PWWP2B: variants seen among roughly 807,000 people sequenced by gnomAD.
PWWP2B encodes PWWP domain-containing protein 2B.
In PWWP2B, 9 loss-of-function variants were observed where a neutral mutation model predicts 15.5. That is an observed-to-expected ratio of 0.58 (90% CI 0.35 to 1.02). PWWP2B has a LOEUF of 1.02. Ranked by LOEUF, PWWP2B falls within the 50% of genes least tolerant of loss-of-function variation. PWWP2B has a pLI of 0.02. For synonymous variants in PWWP2B, 474 were observed against 403.6 expected (o/e 1.17, Z -2.09); for missense variants, 864 against 865.3 (o/e 1.00, Z 0.02).
In PWWP2B at chr10:132,405,873, C is replaced by A; in HGVS notation, c.1373C>A (p.Ser458Tyr). ...CACGGCGCGTCAGCGCCCTCGGTGT[C>A]CAGAGAGGCTCGCCAAACGGTGCCG... ...PGHGASAPSV[S>Y]REARQTVPPL... Residue 458 changes from serine (S) to tyrosine (Y), a missense_variant, in exon 2 of 3, where the codon TCC becomes TAC. Around this residue, in one of 2 missense-constraint regions of PWWP2B, gnomAD observed 736 missense variants for 687.7 expected, o/e 1.07. Transcript: ENST00000305233. The A allele has an allele frequency of 6.2e-7, 1 of 1,611,760 alleles. No homozygotes were observed. Among genetic ancestry groups the A allele is most frequent in the Non-Finnish European group, 8.5e-7 (1 of 1,179,200 alleles).
rs778923580 is a variant in PWWP2B, at chr10:132,405,945, C to T, written c.1445C>T (p.Thr482Met). ...LHTQSVSECITEDGRTVAVGD... is the reference protein window; with the variant it reads ...LHTQSVSECIMEDGRTVAVGD... ...ACACAGAGCGTGTCGGAGTGCATCA[C>T]GGAGGACGGCAGGACTGTGGCCGTG... The change falls in exon 2 of 3, where the codon ACG becomes ATG. Residue 482 changes from threonine (T) to methionine (M), a missense_variant. By Grantham distance (81) the Thr-to-Met change is moderately conservative. This residue lies in a region of PWWP2B where 128 missense variants were observed against 177.6 expected (regional missense o/e 0.72). Coordinates refer to ENST00000305233, the MANE Select transcript of PWWP2B (RefSeq NM_138499.4). 11 of 1,613,252 alleles carry T rather than the reference C, an allele frequency of 6.8e-6. No individual in the cohort carries two copies. The highest frequency in any genetic ancestry group is 3.3e-5 in the South Asian group (3 of 91,094).
Position 132,405,122 on chromosome 10 carries a change from C to T in PWWP2B, c.622C>T (p.Pro208Ser), listed in dbSNP as rs2069674686. The change falls in exon 2 of 3, where the codon CCG becomes TCG. Residue 208 changes from proline to serine, a missense_variant. By Grantham distance (74) the Pro-to-Ser change is moderately conservative. Coordinates refer to ENST00000305233, the MANE Select transcript of PWWP2B (RefSeq NM_138499.4). ...PRARRRLGSG[P>S]DRELRKPEEP... ...GGCCCGCAGGAGGCTGGGCAGCGGC[C>T]CGGACAGGGAGCTCCGCAAGCCGGA... 6.5e-7 allele frequency: 1 copy of T among 1,542,222 alleles called. No homozygotes were observed. The highest frequency in any genetic ancestry group is 1.4e-5 in the African/African-American group (1 of 72,750).
In PWWP2B at chr10:132,411,473, A is replaced by G. The variant is rs112266593; in HGVS notation, c.*16+5184A>G. Among the ~76,000 whole-genome samples, 23 of 152,290 alleles carry G rather than the reference A, an allele frequency of 1.5e-4. 1 individual carries two copies. The highest frequency in any genetic ancestry group is 5.5e-4 in the African/African-American group (23 of 41,576). ...GCAGCGCGGGCACAGCCCAGGGTCC[A>G]CCCGAGCCTCATGTCCGACAGAAGG... On this transcript the variant is annotated intron_variant, in intron 2 of 2. Transcript: ENST00000305233.
chr10:132,399,404 C>G (rs969226050), intron 1 of PWWP2B, among the ~76,000 whole-genome samples: 1 of 152,234 alleles, frequency 6.6e-6, no homozygotes, highest in Non-Finnish European at 1.5e-5. Context: ...ATGGCGGCCC[C>G]GCTCACACAG....
In PWWP2B at chr10:132,397,250, G is replaced by A; in HGVS notation, c.24G>A (p.Arg8=). 7.8e-7 allele frequency: 1 copy of A among 1,286,028 alleles called. No individual in the cohort carries two copies. Among genetic ancestry groups the A allele is most frequent in the Non-Finnish European group, 9.9e-7 (1 of 1,008,426 alleles). 79.7% of individuals were successfully genotyped at this position (1,286,028 alleles called of 1,614,324 possible). A position where few individuals can be genotyped will look rare whatever the true frequency, so the allele number is the denominator to read the frequency against. The change falls in exon 1 of 3, where the codon CGG becomes CGA. Residue 8 remains arginine (R), a synonymous_variant. Coordinates refer to ENST00000305233, the MANE Select transcript of PWWP2B (RefSeq NM_138499.4). ...GCATGGAGCCGCGCGCCGGCTGCCG[G>A]CTGCCGGTGCGGGTGGAGCAGGTCG... is the stretch of plus-strand genomic sequence containing the variant. The part of the protein sequence containing the change: MEPRAGC[R]LPVRVEQVVN...
chr10:132,402,971 TG>T (rs951358069), intron 1 of PWWP2B, among the ~76,000 whole-genome samples: 2 of 152,254 alleles, frequency 1.3e-5, no homozygotes, highest in African/African-American at 4.8e-5. Flanking sequence ...AGCACCTGGC[TG>T]GGACTGGTGA....
rs2069872284 is a variant in PWWP2B at position 132,417,266 on chromosome 10, C to A, written c.*222C>A. On this transcript the variant is annotated 3_prime_UTR_variant, in exon 3 of 3. Transcript: ENST00000305233. The stretch of plus-strand genomic sequence containing the variant: ...TCCCGCTGAGTGTATTTCTTCCCAC[C>A]ACTCAGCGCATGGCTGCCCTGGCTC... 1.5e-6 allele frequency: 1 copy of A among 649,762 alleles called. No individual in the cohort carries two copies. The highest frequency in any genetic ancestry group is 2.7e-5 in the East Asian group (1 of 37,246). 40.2% of individuals were successfully genotyped at this position (649,762 alleles called of 1,614,324 possible).
At position 132,416,253 on chromosome 10, in the gene PWWP2B, C is replaced by T. The variant is rs924591727; in HGVS notation, c.*17-808C>T. On this transcript the variant is annotated intron_variant, in intron 2 of 2. Coordinates refer to ENST00000305233, the MANE Select transcript of PWWP2B (RefSeq NM_138499.4). ...GCCTTTGTCCTGACAGGAGGAGTGG[C>T]GGGGCTGGCGTGGCCCCGTGCACCC... Among the ~76,000 whole-genome samples, 9 of 152,292 alleles carry T rather than the reference C, an allele frequency of 5.9e-5. 1 individual carries two copies. Among genetic ancestry groups the T allele is most frequent in the Middle Eastern group, 6.8e-3 (2 of 294 alleles).
chr10:132,398,979 TGCCTG>T (rs1564871226), intron 1 of PWWP2B, among the ~76,000 whole-genome samples: 1 of 112,010 alleles, frequency 8.9e-6, no homozygotes, highest in Non-Finnish European at 2.0e-5. Flanking sequence ...ATCTCCCCTG[TGCCTG>T]AGTCTGTCCG....
chr10:132,412,823 G>A (rs1164577664), intron 2 of PWWP2B, among the ~76,000 whole-genome samples: 2 of 152,240 alleles, frequency 1.3e-5, no homozygotes, highest in African/African-American at 2.4e-5. Context: ...TCCTTCCAGC[G>A]TGGCCGAGGA....
At chr10:132,410,651 G>T (rs927329352) in intron 2 of PWWP2B, among the ~76,000 whole-genome samples, 1 of 152,060 alleles carries the variant, frequency 6.6e-6, no homozygotes, top group Non-Finnish European at 1.5e-5. Flanking sequence ...CCTGGGAGCC[G>T]TGAGGGCCAA....
At chr10:132,415,445 TCA>T (rs2069835747) in intron 2 of PWWP2B, among the ~76,000 whole-genome samples, 1 of 107,992 alleles carries the variant, frequency 9.3e-6, no homozygotes, top group African/African-American at 4.1e-5. Flanking sequence ...ACTCTCACAC[TCA>T]CATCCACTCA....
intron 2 of PWWP2B, among the ~76,000 whole-genome samples, chr10:132,407,769 G>A (rs1388441058): frequency 2.0e-5 from 3 of 152,232 alleles, no homozygotes; most frequent in Non-Finnish European, 4.4e-5. Flanking sequence ...TGGGGCAGGT[G>A]CCTTGTTGGC....
intron 1 of PWWP2B, among the ~76,000 whole-genome samples, chr10:132,398,685 C>G (rs2069570663): frequency 6.6e-6 from 1 of 152,230 alleles, no homozygotes; most frequent in Admixed American, 6.5e-5. Context: ...TGCAAATCTA[C>G]ACCACCGCCT....
At position 132,404,962 on chromosome 10, in the gene PWWP2B, T is replaced by G; in HGVS notation, c.462T>G (p.Arg154=). 6.3e-7 allele frequency: 1 copy of G among 1,589,614 alleles called. No homozygotes were observed. The highest frequency in any genetic ancestry group is 8.5e-7 in the Non-Finnish European group (1 of 1,175,376). ...GGACCATCAAGCGCACGCGGCGGCG[T>G]CTGTCCCGCAACCGCGACCCGGGGC... ...PPRTIKRTRR[R]LSRNRDPGRL... is the part of the protein sequence containing the mutation. Residue 154 remains arginine, a synonymous_variant, in exon 2 of 3, where the codon CGT becomes CGG. Coordinates refer to ENST00000305233, the MANE Select transcript of PWWP2B (RefSeq NM_138499.4).
intron 2 of PWWP2B, among the ~76,000 whole-genome samples, chr10:132,408,737 C>T (rs1012529666): frequency 6.6e-6 from 1 of 152,248 alleles, no homozygotes; most frequent in Non-Finnish European, 1.5e-5. Context: ...AGATCGGCTC[C>T]GTTGCAGGGA....
intron 2 of PWWP2B, among the ~76,000 whole-genome samples, chr10:132,409,887 A>G (rs2069755522): frequency 6.6e-6 from 1 of 152,002 alleles, no homozygotes; most frequent in South Asian, 2.1e-4. Flanking sequence ...ATGGTGAGCT[A>G]ATCAGGAGCT....
rs2069682076 is a variant in PWWP2B, at chr10:132,405,466, G to A, written c.966G>A (p.Val322=). Residue 322 remains valine (V), a synonymous_variant, in exon 2 of 3, where the codon GTG becomes GTA. Transcript: ENST00000305233. ...SIPKLKLTRP[V]PAGADLPPPK... ...CCAAGTTGAAACTGACACGGCCTGT[G>A]CCGGCCGGCGCGGACCTGCCGCCCC... 6.2e-7 allele frequency: 1 copy of A among 1,606,096 alleles called. No individual in the cohort carries two copies. Among genetic ancestry groups the A allele is most frequent in the Admixed American group, 1.7e-5 (1 of 59,926 alleles).
chr10:132,400,246 G>A (rs1421133372), intron 1 of PWWP2B, among the ~76,000 whole-genome samples: 6 of 152,188 alleles, frequency 3.9e-5, no homozygotes, highest in Non-Finnish European at 4.4e-5. Flanking sequence ...GAAGGCCAGG[G>A]CACCAGGAGG....
Sources: allele counts gnomAD v4.1 joint callset (sites outside exome capture counted in the v4.1 genomes callset), GRCh38; gene constraint gnomAD v4.1.1; regional missense constraint gnomAD v4.1.1; transcripts MANE v1.5; gene names NCBI Gene and HGNC (gene_info 2026-07-23, HGNC 2026-07-21).